Variants in NRIP1 observed in about 807,000 individuals in gnomAD.
NRIP1 encodes nuclear receptor-interacting protein 1.
A neutral mutation model predicts 75.0 loss-of-function variants in NRIP1; 28 were observed. That is an observed-to-expected ratio of 0.37 (90% confidence interval 0.28 to 0.51). The LOEUF (loss-of-function observed/expected upper bound fraction) is 0.51, where lower values mean the gene tolerates loss of function less well. NRIP1 is among the 20% of genes least tolerant of loss of function. The pLI is 0.92. For missense variants in NRIP1, 1,435 were observed against 1,343.7 expected (o/e 1.07, Z -1.06); for synonymous variants, 526 against 487.6 (o/e 1.08, Z -1.04).
intron 3 of NRIP1, among the ~76,000 whole-genome samples, chr21:15,013,137 C>T (rs1017348904): frequency 1.3e-4 from 19 of 151,974 alleles, no homozygotes; most frequent in South Asian, 2.1e-4. Flanking sequence ...CAAATAATTG[C>T]GTCATTGATT....
In NRIP1 at chr21:14,973,810, G is replaced by A. The variant is rs905397293; in HGVS notation, c.-334-5284C>T. On this transcript the variant is annotated intron_variant, in intron 3 of 3. Transcript: ENST00000318948. ...TCCCACCTCAGTCTCCCAAGCAGCC[G>A]GGAATACAGGTGTGTGCCACCATGC... Among the ~76,000 whole-genome samples, 4 of 151,160 alleles carry A rather than the reference G, an allele frequency of 2.6e-5. No homozygotes were observed. The East Asian group carries it at 5.9e-4, about 22-fold the overall frequency.
At chr21:15,018,083 G>A (rs1009831756) in intron 2 of NRIP1, among the ~76,000 whole-genome samples, 1 of 152,078 alleles carries the variant, frequency 6.6e-6, no homozygotes, top group Non-Finnish European at 1.5e-5. Flanking sequence ...GATGTGTTCT[G>A]AATCATGACA....
intron 3 of NRIP1, among the ~76,000 whole-genome samples, chr21:15,011,468 C>T (rs976159063): frequency 1.6e-4 from 25 of 152,092 alleles, no homozygotes; most frequent in Admixed American, 1.6e-3. Context: ...GGATTGCAAG[C>T]GTGAGCCACC....
At chr21:15,020,863 C>T (rs2088356275) in intron 2 of NRIP1, among the ~76,000 whole-genome samples, 1 of 151,008 alleles carries the variant, frequency 6.6e-6, no homozygotes, top group Non-Finnish European at 1.5e-5. Context: ...TACACACTCA[C>T]TAGAATAGCT....
intron 3 of NRIP1, among the ~76,000 whole-genome samples, chr21:14,997,905 C>T (rs1044232756): frequency 6.6e-5 from 10 of 151,954 alleles, no homozygotes; most frequent in Non-Finnish European, 1.3e-4. Flanking sequence ...ACACTTTGCC[C>T]AACTGTTGAA....
At chr21:15,014,802 T>C (rs2088187084) in intron 2 of NRIP1, among the ~76,000 whole-genome samples, 1 of 149,578 alleles carries the variant, frequency 6.7e-6, no homozygotes, top group African/African-American at 2.5e-5. Context: ...CAAAAAATTA[T>C]AAATCCTCCT....
intron 2 of NRIP1, among the ~76,000 whole-genome samples, chr21:15,028,766 T>C (rs1369729564): frequency 6.6e-6 from 1 of 152,208 alleles, no homozygotes; most frequent in Non-Finnish European, 1.5e-5. Flanking sequence ...ATTGTTATTA[T>C]TGAAATTACA....
chr21:15,035,592 T>C (rs2088814057), intron 2 of NRIP1, among the ~76,000 whole-genome samples: 1 of 149,910 alleles, frequency 6.7e-6, no homozygotes, highest in African/African-American at 2.5e-5. Flanking sequence ...AGTCTCGCTC[T>C]GTTGCCCAGG....
intron 3 of NRIP1, among the ~76,000 whole-genome samples, chr21:14,979,478 A>C (rs1341981650): frequency 6.6e-6 from 1 of 152,208 alleles, no homozygotes; most frequent in Non-Finnish European, 1.5e-5. Context: ...GATTACCAAC[A>C]GAACTGATGT....
At chr21:15,044,425 T>C (rs1040875307) in intron 1 of NRIP1, among the ~76,000 whole-genome samples, 3 of 151,260 alleles carry the variant, frequency 2.0e-5, no homozygotes, top group Non-Finnish European at 4.4e-5. Flanking sequence ...TAGCAAACAA[T>C]TTAACATTGT....
At chr21:14,977,010 T>C (rs2087090701) in intron 3 of NRIP1, among the ~76,000 whole-genome samples, 1 of 152,202 alleles carries the variant, frequency 6.6e-6, no homozygotes, top group South Asian at 2.1e-4. Context: ...AAGGGATTTC[T>C]ACAATGCAGC....
chr21:15,022,286 A>G (rs1372861020), intron 2 of NRIP1, among the ~76,000 whole-genome samples: 1 of 152,242 alleles, frequency 6.6e-6, no homozygotes, highest in African/African-American at 2.4e-5. Context: ...AACGCGGAAC[A>G]GAAAACCAAG....
chr21:14,994,217 C>T (rs192358751), intron 3 of NRIP1, among the ~76,000 whole-genome samples: 6 of 152,232 alleles, frequency 3.9e-5, no homozygotes, highest in East Asian at 3.9e-4. Context: ...CTCCGCCTCC[C>T]GAGTTCAAGT....
At chr21:14,988,465 A>G (rs1447446511) in intron 3 of NRIP1, among the ~76,000 whole-genome samples, 1 of 150,476 alleles carries the variant, frequency 6.6e-6, no homozygotes, top group Non-Finnish European at 1.5e-5. Flanking sequence ...AGACAGACAG[A>G]TAGATAGATA....
At chr21:15,024,567 A>AGAGT (rs377549440) in intron 2 of NRIP1, among the ~76,000 whole-genome samples, 5 of 145,562 alleles carry the variant, frequency 3.4e-5, no homozygotes, top group Non-Finnish European at 6.1e-5. Flanking sequence ...TGGTATCCAG[A>AGAGT]GTGTGTGTGT....
At chr21:15,016,997 A>C (rs2088249103) in intron 2 of NRIP1, among the ~76,000 whole-genome samples, 1 of 151,830 alleles carries the variant, frequency 6.6e-6, no homozygotes, top group African/African-American at 2.4e-5. Context: ...AAAAGAAAGA[A>C]AAAGAAAAGA....
chr21:15,048,396 A>G (rs898233489), intron 1 of NRIP1, among the ~76,000 whole-genome samples: 3 of 152,210 alleles, frequency 2.0e-5, no homozygotes, highest in African/African-American at 7.2e-5. Flanking sequence ...GCTACCCTAC[A>G]TCATTAACAG....
intron 2 of NRIP1, among the ~76,000 whole-genome samples, chr21:15,034,643 CAT>C (rs1568997022): frequency 6.6e-6 from 1 of 152,082 alleles, no homozygotes; most frequent in African/African-American, 2.4e-5. Context: ...ATCCAACAAA[CAT>C]AATACACAAG....
chr21:15,064,484 C>T (rs1186533514), intron 1 of NRIP1, among the ~76,000 whole-genome samples: 1 of 152,068 alleles, frequency 6.6e-6, no homozygotes, highest in Non-Finnish European at 1.5e-5. Context: ...GCCCCCTTGC[C>T]CAGAACTGGC....
Sources: gnomAD v4.1 joint callset for allele counts (sites outside exome capture counted in the v4.1 genomes callset) on GRCh38, gnomAD v4.1.1 for gene constraint, MANE v1.5 for transcripts, NCBI Gene and HGNC (gene_info 2026-07-23, HGNC 2026-07-21) for gene names.